Variants in BACH2 observed in about 807,000 individuals in gnomAD.
The protein encoded by BACH2 is BACH transcriptional regulator 2.
A neutral mutation model predicts 61.8 loss-of-function variants in BACH2; 5 were observed. That is an observed-to-expected ratio of 0.08 (90% CI 0.04 to 0.17). The LOEUF is 0.17. Among genes scored for constraint, BACH2 ranks in the 10% least tolerant of loss-of-function variants. The pLI, the probability that BACH2 is intolerant of heterozygous loss-of-function variation, is 1.00. For synonymous variants in BACH2, 446 were observed against 440.1 expected (o/e 1.01, Z -0.17); for missense variants, 824 against 1,091.1 (o/e 0.76, Z 3.45).
At chr6:89,933,304 T>A (rs1244649171) in intron 8 of BACH2, among the ~76,000 whole-genome samples, 2 of 152,168 alleles carry the variant, frequency 1.3e-5, no homozygotes, top group African/African-American at 2.4e-5. Context: ...GGCAAAAATC[T>A]ACCATTCCAA....
At chr6:90,128,148 A>C (rs533005520) in intron 4 of BACH2, among the ~76,000 whole-genome samples, 2 of 152,124 alleles carry the variant, frequency 1.3e-5, no homozygotes, top group South Asian at 4.2e-4. Flanking sequence ...CCTCCTCAGC[A>C]CCAAACTCTC....
rs1772695543 is a variant in BACH2, at chr6:89,932,248, G to C, written c.*160C>G. On this transcript the variant is annotated 3_prime_UTR_variant, in exon 9 of 9. Transcript: ENST00000257749. ...GGTAACTATCACTCCTGCTCGAGAA[G>C]AGGAGAGGATACTTCGGAACAGTAT... 2.5e-5 allele frequency: 23 copies of C among 937,902 alleles called. 1 individual carries two copies. The highest frequency in any genetic ancestry group is 3.6e-5 in the Non-Finnish European group (23 of 634,932). The allele number at this position is 937,902 out of a possible 1,614,324, so 58.1% of individuals were successfully genotyped here.
intron 2 of BACH2, among the ~76,000 whole-genome samples, chr6:90,257,912 A>G: frequency 6.6e-6 from 1 of 152,106 alleles, no homozygotes; most frequent in East Asian, 1.9e-4. Context: ...AGTAGCTGGA[A>G]TTACAGGTGT....
intron 1 of BACH2, among the ~76,000 whole-genome samples, chr6:90,286,649 C>T (rs769767970): frequency 6.6e-6 from 1 of 152,170 alleles, no homozygotes; most frequent in Non-Finnish European, 1.5e-5. Context: ...GATGAAGGGA[C>T]ACAGTCTTCC....
At chr6:90,002,971 T>C (rs1777213739) in intron 6 of BACH2, among the ~76,000 whole-genome samples, 1 of 152,010 alleles carries the variant, frequency 6.6e-6, no homozygotes, top group East Asian at 1.9e-4. Context: ...CCATGAGCTC[T>C]ACCTTCAAAA....
intron 4 of BACH2, among the ~76,000 whole-genome samples, chr6:90,148,073 T>A (rs1784684734): frequency 6.6e-6 from 1 of 152,168 alleles, no homozygotes; most frequent in Non-Finnish European, 1.5e-5. Context: ...AGTCCAACTT[T>A]AAAGGAACAC....
intron 6 of BACH2, among the ~76,000 whole-genome samples, chr6:89,991,199 T>G (rs1776530162): frequency 1.3e-5 from 2 of 152,228 alleles, no homozygotes; most frequent in South Asian, 4.1e-4. Flanking sequence ...GAGCAGGTAC[T>G]CAGTAAATAC....
chr6:90,039,699 T>A, intron 5 of BACH2, among the ~76,000 whole-genome samples: 1 of 152,166 alleles, frequency 6.6e-6, no homozygotes, highest in Non-Finnish European at 1.5e-5. Context: ...TACTTCTTTA[T>A]CCATAGTCTT....
intron 6 of BACH2, among the ~76,000 whole-genome samples, chr6:89,990,600 ACC>A (rs527913303): frequency 9.6e-4 from 145 of 151,384 alleles, no homozygotes; most frequent in African/African-American, 3.5e-3. Context: ...CAACCCATCT[ACC>A]TTGGCTGGTC....
At chr6:90,148,276 T>C (rs185859501) in intron 4 of BACH2, among the ~76,000 whole-genome samples, 185 of 152,284 alleles carry the variant, frequency 1.2e-3, no homozygotes, top group African/African-American at 4.1e-3. Flanking sequence ...GACTTACTGA[T>C]CTAATCAGAA....
intron 5 of BACH2, among the ~76,000 whole-genome samples, chr6:90,058,627 C>G (rs57623759): frequency 0.1 from 15,728 of 151,748 alleles, 2,396 homozygotes; most frequent in African/African-American, 0.34. Context: ...AAACTACTTT[C>G]AAGTTCATAT....
At chr6:89,943,060 C>G (rs1226016697) in intron 7 of BACH2, among the ~76,000 whole-genome samples, 1 of 152,174 alleles carries the variant, frequency 6.6e-6, no homozygotes, top group African/African-American at 2.4e-5. Flanking sequence ...TATCTTCCTT[C>G]CTTGGCCTCC....
At chr6:89,991,496 C>CAT (rs1422385570) in intron 6 of BACH2, among the ~76,000 whole-genome samples, 1 of 152,152 alleles carries the variant, frequency 6.6e-6, no homozygotes, top group Non-Finnish European at 1.5e-5. Flanking sequence ...CACACACACA[C>CAT]ATGCATATGT....
intron 5 of BACH2, among the ~76,000 whole-genome samples, chr6:90,065,351 G>C (rs1780905714): frequency 7.1e-6 from 1 of 141,246 alleles, no homozygotes; most frequent in Non-Finnish European, 1.5e-5. Flanking sequence ...TGGAGGATGA[G>C]AGAACATGTG....
chr6:90,286,375 T>C (rs1046667581), intron 1 of BACH2, among the ~76,000 whole-genome samples: 6 of 152,182 alleles, frequency 3.9e-5, no homozygotes, highest in African/African-American at 1.4e-4. Context: ...CTCTCATTCA[T>C]CTATGTTCTC....
At chr6:90,142,376 C>T (rs1784488944) in intron 4 of BACH2, among the ~76,000 whole-genome samples, 1 of 152,288 alleles carries the variant, frequency 6.6e-6, no homozygotes, top group South Asian at 2.1e-4. Flanking sequence ...GCATCCAATC[C>T]TAGGCTATGG....
At chr6:90,224,340 C>T (rs1769839270) in intron 3 of BACH2, among the ~76,000 whole-genome samples, 1 of 152,186 alleles carries the variant, frequency 6.6e-6, no homozygotes, top group East Asian at 1.9e-4. Flanking sequence ...CATTAATCCA[C>T]ACAGAAGCCT....
intron 7 of BACH2, 25 bp from the exon 8 acceptor site, chr6:89,938,375 G>C (rs1773155899): frequency 6.3e-7 from 1 of 1,579,944 alleles, no homozygotes; most frequent in African/African-American, 1.3e-5. Flanking sequence ...AACAGAAAAT[G>C]ATTATGGCAG....
chr6:90,215,547 T>C (rs1350087071), intron 3 of BACH2, among the ~76,000 whole-genome samples: 2 of 152,006 alleles, frequency 1.3e-5, no homozygotes, highest in Non-Finnish European at 2.9e-5. Flanking sequence ...TAGGACTTTT[T>C]GGGGTGGGTG....
Sources: gnomAD v4.1 joint callset for allele counts (sites outside exome capture counted in the v4.1 genomes callset) on GRCh38, gnomAD v4.1.1 for gene constraint, MANE v1.5 for transcripts, NCBI Gene and HGNC (gene_info 2026-07-23, HGNC 2026-07-21) for gene names.